Variants in CCDC60 observed in about 807,000 individuals in gnomAD.
CCDC60 encodes the protein coiled-coil domain containing 60.
CCDC60 carries 54 observed loss-of-function variants against 63.5 expected under a neutral mutation model. The observed-to-expected ratio is 0.85, with a 90% confidence interval of 0.68 to 1.07. The LOEUF (loss-of-function observed/expected upper bound fraction) is 1.07, where lower values mean the gene tolerates loss of function less well. CCDC60 is among the 50% of genes least tolerant of loss of function. The probability of loss-of-function intolerance (pLI) is 0.00; values close to 1 mark genes in which losing one functional copy is unlikely to be tolerated. For missense variants in CCDC60, 651 were observed against 684.3 expected (o/e 0.95, Z 0.54); for synonymous variants, 206 against 238.8 (o/e 0.86, Z 1.27).
intron 3 of CCDC60, among the ~76,000 whole-genome samples, chr12:119,473,578 A>T (rs1017732445): frequency 2.0e-5 from 3 of 152,098 alleles, no homozygotes; most frequent in African/African-American, 7.2e-5. Context: ...ACTGTACCCA[A>T]TGTGCAGTCT....
intron 1 of CCDC60, among the ~76,000 whole-genome samples, chr12:119,384,836 G>A (rs1031089051): frequency 2.6e-5 from 4 of 152,210 alleles, no homozygotes; most frequent in Non-Finnish European, 4.4e-5. Context: ...ATTCCAAGTC[G>A]TGGATTCTCA....
At chr12:119,418,160 CAT>C (rs1469995614) in intron 1 of CCDC60, among the ~76,000 whole-genome samples, 6 of 151,800 alleles carry the variant, frequency 4.0e-5, no homozygotes, top group African/African-American at 9.7e-5. Flanking sequence ...TGTATGCATA[CAT>C]GTGTGTATAT....
intron 1 of CCDC60, among the ~76,000 whole-genome samples, chr12:119,377,254 C>CAAAAAAAAAAAAAAA (rs60100165): frequency 5.5e-4 from 26 of 47,434 alleles, no homozygotes; most frequent in Non-Finnish European, 7.1e-4. Context: ...CACTCCATCT[C>CAAAAAAAAAAAAAAA]AAAAAAAAAA....
At chr12:119,418,701 C>T (rs1956755507) in intron 1 of CCDC60, among the ~76,000 whole-genome samples, 1 of 152,052 alleles carries the variant, frequency 6.6e-6, no homozygotes, top group Non-Finnish European at 1.5e-5. Flanking sequence ...AGGCGTGAGC[C>T]CCAATGCTGT....
intron 13 of CCDC60, among the ~76,000 whole-genome samples, chr12:119,533,860 C>A (rs901459290): frequency 2.0e-5 from 3 of 152,128 alleles, no homozygotes; most frequent in Non-Finnish European, 2.9e-5. Context: ...TGTGATGCCT[C>A]CAGCTTTGTT....
chr12:119,487,084 G>A (rs1045411038), intron 4 of CCDC60, among the ~76,000 whole-genome samples: 3 of 152,062 alleles, frequency 2.0e-5, no homozygotes, highest in Non-Finnish European at 2.9e-5. Flanking sequence ...TCCTGACCTC[G>A]CTCTTGGGGT....
At chr12:119,500,251 A>C (rs1951818046) in intron 6 of CCDC60, 83 bp downstream of exon 6, 1 of 947,604 alleles carries the variant, frequency 1.1e-6, no homozygotes, top group African/African-American at 1.7e-5. Flanking sequence ...CTTTTCTCTG[A>C]TGGGAATTTT....
intron 1 of CCDC60, among the ~76,000 whole-genome samples, chr12:119,362,237 T>C (rs1279079529): frequency 6.6e-6 from 1 of 152,192 alleles, no homozygotes; most frequent in Non-Finnish European, 1.5e-5. Context: ...ACTCAGCCCC[T>C]TTTAAATTTG....
chr12:119,353,494 CTCTCTG>C (rs894753675), intron 1 of CCDC60, among the ~76,000 whole-genome samples: 4 of 150,556 alleles, frequency 2.7e-5, no homozygotes, highest in African/African-American at 9.8e-5. Flanking sequence ...CTGTCTCTGT[CTCTCTG>C]TCTCTCTGTC....
chr12:119,398,426 C>G (rs1401330428), intron 1 of CCDC60, among the ~76,000 whole-genome samples: 2 of 152,148 alleles, frequency 1.3e-5, no homozygotes, highest in African/African-American at 2.4e-5. Flanking sequence ...TCTCCCTGCA[C>G]GCCTCCCCGC....
intron 3 of CCDC60, among the ~76,000 whole-genome samples, chr12:119,472,638 C>T (rs565336749): frequency 5.3e-4 from 75 of 140,578 alleles, no homozygotes; most frequent in Admixed American, 1.5e-3. Flanking sequence ...TGGAGTGCAG[C>T]GGCGTGATCT....
intron 1 of CCDC60, among the ~76,000 whole-genome samples, chr12:119,345,520 A>G (rs1955582423): frequency 6.6e-6 from 1 of 151,900 alleles, no homozygotes; most frequent in Admixed American, 6.6e-5. Flanking sequence ...ATAAATAAAT[A>G]AATAAATAAG....
At chr12:119,500,257 AT>A (rs924057810) in intron 6 of CCDC60, 89 bp downstream of exon 6, 180 of 885,018 alleles carry the variant, frequency 2.0e-4, no homozygotes, top group East Asian at 3.7e-4. Context: ...TCTGATGGGA[AT>A]TTTTTTTTCC....
chr12:119,422,033 A>G (rs180770806), intron 1 of CCDC60, among the ~76,000 whole-genome samples: 5 of 152,286 alleles, frequency 3.3e-5, no homozygotes, highest in Admixed American at 6.5e-5. Context: ...ACGACATCAC[A>G]TGGTGTTTCT....
Position 119,351,558 on chromosome 12 carries a change from G to A in CCDC60, c.90+16292G>A, listed in dbSNP as rs142960599. 4.4e-3 allele frequency among the ~76,000 whole-genome samples: 676 copies of A among 152,298 alleles called. 10 individuals carry two copies. The highest frequency in any genetic ancestry group is 0.015 in the African/African-American group (641 of 41,560). On this transcript the variant is annotated intron_variant, in intron 1 of 13. Coordinates refer to ENST00000327554, the MANE Select transcript of CCDC60 (RefSeq NM_178499.5). ...TGAGAGCCTTACATGGCAGGAGCAG[G>A]ACCCAGAGAGAGAAGGGGAGATGCT...
intron 7 of CCDC60, among the ~76,000 whole-genome samples, chr12:119,513,903 A>G (rs1206569638): frequency 6.6e-6 from 1 of 152,164 alleles, no homozygotes; most frequent in African/African-American, 2.4e-5. Context: ...TAAGTACTAC[A>G]CTTTATTTTC....
chr12:119,335,022 T>C lies in CCDC60; in HGVS notation c.-155T>C. ...GGAGACCCAGGTGCTTTCTCATTAC[T>C]CTTCAGAAGGAAACCGCTTTGGAGT... On this transcript the variant is annotated 5_prime_UTR_variant, in exon 1 of 14. Coordinates refer to ENST00000327554, the MANE Select transcript of CCDC60 (RefSeq NM_178499.5). 1 of 580,758 alleles carries C rather than the reference T, an allele frequency of 1.7e-6. No homozygotes were observed. The highest frequency in any genetic ancestry group is 3.0e-6 in the Non-Finnish European group (1 of 329,724). The allele number at this position is 580,758 out of a possible 1,614,324, so 36.0% of individuals were successfully genotyped here.
chr12:119,337,860 G>A (rs947014125), intron 1 of CCDC60, among the ~76,000 whole-genome samples: 1 of 144,192 alleles, frequency 6.9e-6, no homozygotes, highest in African/African-American at 2.5e-5. Flanking sequence ...GTGTGTGTGT[G>A]TGTGTCTCCA....
At chr12:119,526,688 A>G (rs1023379713) in intron 11 of CCDC60, among the ~76,000 whole-genome samples, 3 of 152,254 alleles carry the variant, frequency 2.0e-5, no homozygotes, top group Admixed American at 6.5e-5. Context: ...CATTAGAGAA[A>G]TGCAAATCAA....
Sources: gnomAD v4.1 joint callset for allele counts (sites outside exome capture counted in the v4.1 genomes callset) on GRCh38, gnomAD v4.1.1 for gene constraint, MANE v1.5 for transcripts, NCBI Gene and HGNC (gene_info 2026-07-23, HGNC 2026-07-21) for gene names.